USP38: variants seen among roughly 807,000 people sequenced by gnomAD.
USP38 encodes the protein ubiquitin specific peptidase 38, also known as ubiquitin carboxyl-terminal hydrolase 38.
In USP38, 49 loss-of-function variants were observed where a neutral mutation model predicts 94.3. That is an observed-to-expected ratio of 0.52 (90% CI 0.41 to 0.66). The LOEUF (loss-of-function observed/expected upper bound fraction) is 0.66, where lower values mean the gene tolerates loss of function less well. Ranked by LOEUF, USP38 falls within the 30% of genes least tolerant of loss-of-function variation. USP38 has a pLI of 0.00. For missense variants in USP38, 1,128 were observed against 1,229.4 expected, an observed-to-expected ratio of 0.92 and a Z score of 1.23; for synonymous variants, 468 against 463.6, an observed-to-expected ratio of 1.01 and a Z score of -0.12.
rs1731525629 is a variant in USP38, at chr4:143,195,726, T to G, written c.829T>G (p.Trp277Gly). The G allele has an allele frequency of 4.4e-6, 7 of 1,581,154 alleles. No homozygotes were observed. The highest frequency in any genetic ancestry group is 6.0e-6 in the Non-Finnish European group (7 of 1,167,644). ...TTCCTTCAATTTCAGAATGATTGAC[T>G]GGCTATCCTGGCCATTGGCTCAGCA... is the stretch of plus-strand genomic sequence containing the variant. ...MTQALCRMIDWLSWPLAQHVD... is the reference protein window; with the variant it reads ...MTQALCRMIDGLSWPLAQHVD... The change falls in exon 3 of 10, where the codon TGG (tryptophan) becomes GGG (glycine). Residue 277 changes from tryptophan to glycine, a missense_variant. Transcript: ENST00000307017.
chr4:143,214,256 C>T lies in USP38; in HGVS notation c.2280C>T (p.Tyr760=). The change falls in exon 9 of 10, where the codon TAC becomes TAT. Residue 760 remains tyrosine, a synonymous_variant. Transcript: ENST00000307017. ...KTMQITEEPE[Y]LILTLLRFSY... is the part of the protein sequence containing the mutation. ...TGCAAATCACGGAGGAACCTGAATA[C>T]CTTATTCTTACTCTCCTGAGATTTT... 1 of 1,613,478 alleles carries T rather than the reference C, an allele frequency of 6.2e-7. No individual in the cohort carries two copies. The highest frequency in any genetic ancestry group is 1.7e-4 in the Middle Eastern group (1 of 6,050).
chr4:143,204,480 C>T (rs148823527), intron 5 of USP38: 34 of 444,352 alleles, frequency 7.7e-5, no homozygotes, highest in Admixed American at 9.9e-5. Context: ...GCCTCTACAT[C>T]TTGAGCTCAA....
chr4:143,210,862 T>C lies in USP38; in HGVS notation c.1497+1205T>C, dbSNP rs566816163. On this transcript the variant is annotated intron_variant, in intron 7 of 9. Coordinates refer to ENST00000307017, the MANE Select transcript of USP38 (RefSeq NM_032557.6). ...AATATAACTTCTTAAATGGAAAGAA[T>C]CTAGACAGGATTAATATGAGATGAT... Among the ~76,000 whole-genome samples the C allele has an allele frequency of 1.5e-3, 232 of 152,006 alleles. 1 individual carries two copies. The highest frequency in any genetic ancestry group is 5.3e-3 in the African/African-American group (222 of 41,500).
chr4:143,218,639 T>G (rs1732246514), intron 9 of USP38, among the ~76,000 whole-genome samples: 1 of 152,130 alleles, frequency 6.6e-6, no homozygotes, highest in Admixed American at 6.6e-5. Flanking sequence ...GCTACTAATT[T>G]TATATTTTAT....
Position 143,197,882 on chromosome 4 carries a change from C to T in USP38, c.1008C>T (p.His336=). The T allele has an allele frequency of 3.1e-6, 5 of 1,613,956 alleles. No homozygotes were observed. Among genetic ancestry groups the T allele is most frequent in the Non-Finnish European group, 4.2e-6 (5 of 1,179,900 alleles). The part of the protein sequence containing the change: ...VRPGALAVLS[H]MLLSFQHSPE... ...CTGGTGCTCTTGCAGTTCTTTCTCACATGCTGCTTAGCTTTCAGCATTCTC... is the reference window on the plus strand; with the variant it reads ...CTGGTGCTCTTGCAGTTCTTTCTCATATGCTGCTTAGCTTTCAGCATTCTC... Residue 336 remains histidine (H), a synonymous_variant, in exon 4 of 10, where the codon CAC becomes CAT. Transcript: ENST00000307017.
chr4:143,213,515 A>G, intron 8 of USP38, 66 bp from the exon 9 acceptor site: 1 of 1,426,370 alleles, frequency 7.0e-7, no homozygotes, highest in Non-Finnish European at 9.3e-7. Flanking sequence ...AGCCACTAAT[A>G]TTTTTAAATA....
At chr4:143,213,392 G>T (rs970159940) in intron 8 of USP38, among the ~76,000 whole-genome samples, 189 bp from the exon 9 acceptor site, 4 of 152,106 alleles carry the variant, frequency 2.6e-5, no homozygotes, top group Admixed American at 6.6e-5. Flanking sequence ...ATATAGAGTA[G>T]TAATAGCCAC....
At chr4:143,189,226 A>AT (rs1731323667) in intron 2 of USP38, among the ~76,000 whole-genome samples, 1 of 151,948 alleles carries the variant, frequency 6.6e-6, no homozygotes, top group Non-Finnish European at 1.5e-5. Context: ...TAGTTCACTA[A>AT]TTTTCTCTTC....
rs1272072161 is a variant in USP38, at chr4:143,185,867, G to A, written c.417G>A (p.Pro139=). 3 of 1,614,196 alleles carry A rather than the reference G, an allele frequency of 1.9e-6. No homozygotes were observed. Among genetic ancestry groups the A allele is most frequent in the Non-Finnish European group, 2.5e-6 (3 of 1,180,050 alleles). The change falls in exon 1 of 10, where the codon CCG becomes CCA. Residue 139 remains proline (P), a synonymous_variant. Transcript: ENST00000307017. ...TGTTACGGATGGTGTGTGAGAGGCC[G>A]GAGCCGCAGCTCTGTGCCCGACTGA... ...VEVLRMVCER[P]EPQLCARLSD...
At chr4:143,212,598 G>C (rs201704253) in intron 8 of USP38, among the ~76,000 whole-genome samples, 174 bp downstream of exon 8, 2 of 133,192 alleles carry the variant, frequency 1.5e-5, no homozygotes, top group African/African-American at 5.5e-5. Flanking sequence ...TTTCCTTTTT[G>C]AATTTTCTTC....
At position 143,185,340 on chromosome 4, in the gene USP38, T is replaced by G; in HGVS notation, c.-111T>G. 8.0e-7 allele frequency: 1 copy of G among 1,242,514 alleles called. No individual in the cohort carries two copies. Among genetic ancestry groups the G allele is most frequent in the Non-Finnish European group, 1.1e-6 (1 of 917,410 alleles). The allele number at this position is 1,242,514 out of a possible 1,614,324, so 77.0% of individuals were successfully genotyped here. On this transcript the variant is annotated 5_prime_UTR_variant, in exon 1 of 10. Coordinates refer to ENST00000307017, the MANE Select transcript of USP38 (RefSeq NM_032557.6). ...CGGCGGTGGCCGTGGCCCGTCGCGCTGCTGCTGCGGCGCTCCAAGTTCATC... is the reference window on the plus strand; with the variant it reads ...CGGCGGTGGCCGTGGCCCGTCGCGCGGCTGCTGCGGCGCTCCAAGTTCATC...
At chr4:143,213,283 C>G (rs1274757996) in intron 8 of USP38, among the ~76,000 whole-genome samples, 1 of 152,020 alleles carries the variant, frequency 6.6e-6, no homozygotes, top group Non-Finnish European at 1.5e-5. Context: ...TATGAGATGT[C>G]AGGAAGACAG....
intron 6 of USP38, among the ~76,000 whole-genome samples, chr4:143,207,035 A>G (rs1258324661): frequency 1.3e-5 from 2 of 152,226 alleles, no homozygotes; most frequent in Non-Finnish European, 2.9e-5. Context: ...TTTGCACCTA[A>G]GCAAATAGGA....
chr4:143,191,172 T>C (rs1313475662), intron 2 of USP38, among the ~76,000 whole-genome samples: 1 of 152,176 alleles, frequency 6.6e-6, no homozygotes, highest in Non-Finnish European at 1.5e-5. Context: ...TGCACTATAC[T>C]TTCCCAAACA....
rs1732094786 is a variant in USP38, at chr4:143,213,749, A to C, written c.1773A>C (p.Gly591=). Residue 591 remains glycine, a synonymous_variant, in exon 9 of 10, where the codon GGA becomes GGC. Coordinates refer to ENST00000307017, the MANE Select transcript of USP38 (RefSeq NM_032557.6). ...AGACTTTAATAGAAAAAATGTTTGG[A>C]GGAAAACTACGAACTCACATACGTT... is the stretch of plus-strand genomic sequence containing the variant. ...GEKTLIEKMF[G]GKLRTHIRCL... is the part of the protein sequence containing the mutation. 1 of 1,613,630 alleles carries C rather than the reference A, an allele frequency of 6.2e-7. No individual in the cohort carries two copies. Among genetic ancestry groups the C allele is most frequent in the African/African-American group, 1.3e-5 (1 of 74,882 alleles).
In USP38 at chr4:143,186,040, A is replaced by C; in HGVS notation, c.590A>C (p.Lys197Thr). Residue 197 changes from lysine to threonine, a missense_variant, in exon 1 of 10, where the codon AAA becomes ACA. By Grantham distance (78) the Lys-to-Thr change is moderately conservative. Transcript: ENST00000307017. The part of the protein sequence containing the change: ...ELREYVSQVT[K>T]VSNLLQNIWK... ...CGGGAATATGTCTCCCAGGTGACAA[A>C]AGTGAGTAACTTGCTGCAGAACATC... is the stretch of plus-strand genomic sequence containing the variant. 6.2e-7 allele frequency: 1 copy of C among 1,614,244 alleles called. No homozygotes were observed. Among genetic ancestry groups the C allele is most frequent in the African/African-American group, 1.3e-5 (1 of 75,066 alleles).
Position 143,197,851 on chromosome 4 carries a change from T to G in USP38, c.977T>G (p.Val326Gly). The G allele has an allele frequency of 6.2e-7, 1 of 1,613,898 alleles. No homozygotes were observed. The highest frequency in any genetic ancestry group is 1.1e-5 in the South Asian group (1 of 91,004). The change falls in exon 4 of 10, where the codon GTG becomes GGG. Residue 326 changes from valine (V) to glycine (G), a missense_variant. Physicochemically the swap from Val to Gly is moderately radical, Grantham distance 109. Coordinates refer to ENST00000307017, the MANE Select transcript of USP38 (RefSeq NM_032557.6). ...LVFNRLWFPL[V>G]RPGALAVLSH... is the part of the protein sequence containing the mutation. ...TTTAATCGACTTTGGTTTCCTCTTG[T>G]GAGACCTGGTGCTCTTGCAGTTCTT...
At chr4:143,212,129 A>G (rs1311339923) in intron 7 of USP38, among the ~76,000 whole-genome samples, 189 bp from the exon 8 acceptor site, 1 of 152,192 alleles carries the variant, frequency 6.6e-6, no homozygotes, top group East Asian at 1.9e-4. Flanking sequence ...GTGAGAAGTT[A>G]TGACTAAAGA....
At chr4:143,191,953 C>G (rs1581156037) in intron 2 of USP38, among the ~76,000 whole-genome samples, 1 of 152,160 alleles carries the variant, frequency 6.6e-6, no homozygotes, top group East Asian at 1.9e-4. Flanking sequence ...GGAGAAGAAC[C>G]TCAGACATGT....
Sources: allele counts gnomAD v4.1 joint callset (sites outside exome capture counted in the v4.1 genomes callset), GRCh38; gene constraint gnomAD v4.1.1; transcripts MANE v1.5; gene names NCBI Gene and HGNC (gene_info 2026-07-23, HGNC 2026-07-21).